MAGI1: variants seen among roughly 807,000 people sequenced by gnomAD.
MAGI1 encodes membrane associated guanylate kinase, WW and PDZ domain containing 1.
Under a neutral mutation model 139.9 loss-of-function variants are expected in MAGI1, and 58 were observed. The observed-to-expected ratio is 0.41, with a 90% CI of 0.34 to 0.52. The LOEUF is 0.52. MAGI1 is among the 20% of genes least tolerant of loss of function. The pLI, the probability that MAGI1 is intolerant of heterozygous loss-of-function variation, is 0.12. For synonymous variants in MAGI1, 812 were observed against 737.9 expected, an observed-to-expected ratio of 1.10 and a Z score of -1.63; for missense variants, 1,874 against 1,901.6, an observed-to-expected ratio of 0.99 and a Z score of 0.27.
At chr3:65,888,855 G>C (rs1559980195) in intron 1 of MAGI1, among the ~76,000 whole-genome samples, 1 of 152,086 alleles carries the variant, frequency 6.6e-6, no homozygotes. Context: ...AGGGGTTTGG[G>C]ATTCTACAGG....
chr3:65,813,339 C>G (rs1054181852), intron 1 of MAGI1, among the ~76,000 whole-genome samples: 8 of 152,012 alleles, frequency 5.3e-5, no homozygotes, highest in Admixed American at 5.2e-4. Context: ...AATCCTACAG[C>G]ATGGCAAAAC....
At chr3:65,417,837 T>TA (rs1946341138) in intron 12 of MAGI1, among the ~76,000 whole-genome samples, 2 of 152,076 alleles carry the variant, frequency 1.3e-5, no homozygotes, top group Admixed American at 1.3e-4. Context: ...TAAGACTGAT[T>TA]AAAAAATACA....
At chr3:65,709,618 T>C (rs1246729941) in intron 1 of MAGI1, among the ~76,000 whole-genome samples, 1 of 152,204 alleles carries the variant, frequency 6.6e-6, no homozygotes, top group African/African-American at 2.4e-5. Flanking sequence ...CAACATGAGC[T>C]TCTAGCAAGA....
chr3:65,928,943 T>C (rs1431969351), intron 1 of MAGI1, among the ~76,000 whole-genome samples: 1 of 151,976 alleles, frequency 6.6e-6, no homozygotes, highest in Non-Finnish European at 1.5e-5. Context: ...ACAATGATAA[T>C]GGGTGGGCAG....
intron 1 of MAGI1, among the ~76,000 whole-genome samples, chr3:66,002,860 G>A (rs1360128353): frequency 1.3e-5 from 2 of 152,080 alleles, no homozygotes; most frequent in African/African-American, 4.8e-5. Context: ...CTTCAAAGGT[G>A]GCCTTCCTGG....
At chr3:65,861,437 T>C (rs2059553082) in intron 1 of MAGI1, among the ~76,000 whole-genome samples, 1 of 152,156 alleles carries the variant, frequency 6.6e-6, no homozygotes, top group African/African-American at 2.4e-5. Context: ...TATATAGTCA[T>C]GGGGAGAAAA....
In MAGI1 at chr3:65,837,759, C is replaced by T. The variant is rs567603389; in HGVS notation, c.313+200237G>A. On this transcript the variant is annotated intron_variant, in intron 1 of 22. Transcript: ENST00000402939. The stretch of plus-strand genomic sequence containing the variant: ...TTTAAATCTATGTTGGTCTGTTTTG[C>T]TCATCTCTGGTGTCCTGTTTGATAT... Among the ~76,000 whole-genome samples the T allele has an allele frequency of 4.1e-4, 62 of 152,268 alleles. 1 individual carries two copies. Among genetic ancestry groups the T allele is most frequent in the South Asian group, 1.4e-3 (7 of 4,832 alleles).
chr3:65,441,285 A>G (rs1314991394), intron 8 of MAGI1, among the ~76,000 whole-genome samples: 1 of 152,170 alleles, frequency 6.6e-6, no homozygotes, highest in Non-Finnish European at 1.5e-5. Flanking sequence ...TCAAAATAAT[A>G]GTTTATTAGA....
At chr3:65,785,688 A>G (rs2108035787) in intron 1 of MAGI1, among the ~76,000 whole-genome samples, 1 of 152,322 alleles carries the variant, frequency 6.6e-6, no homozygotes, top group African/African-American at 2.4e-5. Flanking sequence ...CACTCCATAA[A>G]TATTTATTAA....
At chr3:65,449,203 A>G (rs1028239177) in intron 6 of MAGI1, among the ~76,000 whole-genome samples, 1 of 152,090 alleles carries the variant, frequency 6.6e-6, no homozygotes, top group Non-Finnish European at 1.5e-5. Context: ...CAGCACACCA[A>G]CATGGCACAT....
At chr3:65,593,888 T>C (rs1250807992) in intron 2 of MAGI1, among the ~76,000 whole-genome samples, 1 of 152,190 alleles carries the variant, frequency 6.6e-6, no homozygotes, top group Non-Finnish European at 1.5e-5. Flanking sequence ...AAAAGAAATA[T>C]GTTTTTTTCT....
At chr3:65,558,085 A>G (rs2080171451) in intron 2 of MAGI1, among the ~76,000 whole-genome samples, 1 of 152,194 alleles carries the variant, frequency 6.6e-6, no homozygotes, top group South Asian at 2.1e-4. Context: ...CAGATCTATG[A>G]GTCCAGGGCA....
Position 65,437,346 on chromosome 3 carries a change from C to G in MAGI1, c.1271-99G>C. On this transcript the variant is annotated intron_variant, in intron 9 of 22. Transcript: ENST00000402939. Reference sequence around the variant, plus strand: ...ATTAATAATACTCAAGGCAATAAACCAAGGGCAGATAGCTTAGATTAAAAA... The same window carrying G: ...ATTAATAATACTCAAGGCAATAAACGAAGGGCAGATAGCTTAGATTAAAAA... 4.6e-6 allele frequency: 3 copies of G among 648,248 alleles called. No individual in the cohort carries two copies. The Admixed American group carries it at 8.6e-5, about 19-fold the overall frequency. 40.2% of individuals were successfully genotyped at this position (648,248 alleles called of 1,614,324 possible). A position where few individuals can be genotyped will look rare whatever the true frequency, so the allele number is the denominator to read the frequency against.
intron 1 of MAGI1, among the ~76,000 whole-genome samples, chr3:65,738,972 A>T (rs1313360856): frequency 6.6e-6 from 1 of 152,202 alleles, no homozygotes; most frequent in East Asian, 1.9e-4. Context: ...CAGCTACGTT[A>T]CCACCTAACA....
chr3:65,903,044 A>G (rs1338729934), intron 1 of MAGI1, among the ~76,000 whole-genome samples: 1 of 152,088 alleles, frequency 6.6e-6, no homozygotes, highest in Non-Finnish European at 1.5e-5. Flanking sequence ...GTTAGAGTAC[A>G]CTGGCGCAAT....
chr3:65,422,885 T>A (rs1946729761), intron 12 of MAGI1, among the ~76,000 whole-genome samples: 1 of 152,112 alleles, frequency 6.6e-6, no homozygotes, highest in African/African-American at 2.4e-5. Context: ...CACAGGACTT[T>A]GGAGTTCACG....
At chr3:65,577,750 C>G (rs971080460) in intron 2 of MAGI1, among the ~76,000 whole-genome samples, 6 of 152,168 alleles carry the variant, frequency 3.9e-5, no homozygotes, top group African/African-American at 1.4e-4. Context: ...AAATGTGTGT[C>G]TTTACACAGC....
intron 6 of MAGI1, among the ~76,000 whole-genome samples, chr3:65,450,341 G>C (rs940220246): frequency 1.3e-5 from 2 of 152,164 alleles, no homozygotes; most frequent in Non-Finnish European, 2.9e-5. Flanking sequence ...TGGGAGATGA[G>C]CATGATCCCA....
chr3:65,979,094 C>CCCT (rs1553742286), intron 1 of MAGI1, among the ~76,000 whole-genome samples: 1 of 53,018 alleles, frequency 1.9e-5, no homozygotes, highest in African/African-American at 5.1e-5. Flanking sequence ...TTCTTCCCCC[C>CCCT]CCCCGCCACC....
Sources: allele counts gnomAD v4.1 joint callset (sites outside exome capture counted in the v4.1 genomes callset), GRCh38; gene constraint gnomAD v4.1.1; transcripts MANE v1.5; gene names NCBI Gene and HGNC (gene_info 2026-07-23, HGNC 2026-07-21).